ABCC1: variants seen among roughly 807,000 people sequenced by gnomAD.
The protein encoded by ABCC1 is multidrug resistance-associated protein 1.
A neutral mutation model predicts 172.9 loss-of-function variants in ABCC1; 83 were observed. That is an observed-to-expected ratio of 0.48 (90% CI 0.40 to 0.58). The LOEUF is 0.58. ABCC1 is among the 20% of genes least tolerant of loss of function. ABCC1 has a pLI of 0.00. For synonymous variants in ABCC1, 937 were observed against 825.2 expected (o/e 1.14, Z -2.32); for missense variants, 1,817 against 2,002.7 (o/e 0.91, Z 1.77).
chr16:16,089,495 C>A (rs2051149091), intron 18 of ABCC1, among the ~76,000 whole-genome samples: 1 of 151,696 alleles, frequency 6.6e-6, no homozygotes, highest in Non-Finnish European at 1.5e-5. Context: ...TTGTGGTGAG[C>A]CGAGGTCGCA....
chr16:15,990,218 C>T (rs543427345), intron 1 of ABCC1, among the ~76,000 whole-genome samples: 1 of 152,132 alleles, frequency 6.6e-6, no homozygotes, highest in Non-Finnish European at 1.5e-5. Context: ...CCACACCCAG[C>T]TAATTTTTAG....
intron 1 of ABCC1, among the ~76,000 whole-genome samples, chr16:15,967,140 C>CTGAG (rs1567277602): frequency 6.6e-6 from 1 of 152,136 alleles, no homozygotes; most frequent in African/African-American, 2.4e-5. Context: ...AGGCTCACCT[C>CTGAG]TGAGTCACAC....
intron 26 of ABCC1, among the ~76,000 whole-genome samples, chr16:16,130,394 A>G (rs891410720): frequency 1.3e-5 from 2 of 152,144 alleles, no homozygotes; most frequent in Admixed American, 1.3e-4. Context: ...TTCACCCAAC[A>G]CTGAAACATA....
At chr16:15,950,397 G>A (rs1489956405) in intron 1 of ABCC1, among the ~76,000 whole-genome samples, 1 of 152,102 alleles carries the variant, frequency 6.6e-6, no homozygotes, top group Admixed American at 6.6e-5. Context: ...CAGGGAAGAA[G>A]GGGGATGTCC....
chr16:15,955,095 C>T (rs1205808788), intron 1 of ABCC1, among the ~76,000 whole-genome samples: 1 of 152,178 alleles, frequency 6.6e-6, no homozygotes, highest in Admixed American at 6.5e-5. Flanking sequence ...GTGGCTCATG[C>T]CTGTAATCCT....
intron 5 of ABCC1, among the ~76,000 whole-genome samples, chr16:16,031,868 T>C (rs1359032432): frequency 6.6e-6 from 1 of 151,752 alleles, no homozygotes. Flanking sequence ...ATGTGATCAT[T>C]TGATGCATGT....
At chr16:16,033,548 C>T (rs2151833313) in intron 6 of ABCC1, among the ~76,000 whole-genome samples, 1 of 152,244 alleles carries the variant, frequency 6.6e-6, no homozygotes, top group Admixed American at 6.5e-5. Context: ...ACTGTCTCAC[C>T]ACAGGAAGTG....
intron 18 of ABCC1, among the ~76,000 whole-genome samples, chr16:16,089,021 C>G (rs1163182659): frequency 6.6e-6 from 1 of 152,162 alleles, no homozygotes. Flanking sequence ...TTCTTTAAAG[C>G]ATCGTCTACA....
chr16:15,994,712 C>G (rs1410245328), intron 1 of ABCC1, among the ~76,000 whole-genome samples: 3 of 152,082 alleles, frequency 2.0e-5, no homozygotes, highest in Non-Finnish European at 4.4e-5. Context: ...CTTCCTCTCC[C>G]TGGTTTCAGG....
chr16:16,044,748 G>T, intron 8 of ABCC1, 68 bp downstream of exon 8: 1 of 1,426,510 alleles, frequency 7.0e-7, no homozygotes, highest in Non-Finnish European at 9.9e-7. Context: ...AGTTGCATCA[G>T]TCATAACCCT....
chr16:16,111,670 C>A, intron 22 of ABCC1, 88 bp downstream of exon 22: 1 of 1,271,754 alleles, frequency 7.9e-7, no homozygotes, highest in Non-Finnish European at 1.1e-6. Flanking sequence ...GAGTCCTCAG[C>A]GTTTTGTGGG....
chr16:16,048,173 C>T lies in ABCC1; in HGVS notation c.1250C>T (p.Ser417Phe). 4 of 1,614,188 alleles carry T rather than the reference C, an allele frequency of 2.5e-6. No homozygotes were observed. The highest frequency in any genetic ancestry group is 3.4e-6 in the Non-Finnish European group (4 of 1,180,020). ...GTGATCACCAATTCAGCCAGAAAAT[C>T]CTCCACGGTCGGGGAGATTGTCAAC... Reference protein sequence around the residue: ...ALVITNSARKSSTVGEIVNLM... With the variant: ...ALVITNSARKFSTVGEIVNLM... Residue 417 changes from serine (S) to phenylalanine (F), a missense_variant, in exon 10 of 31, where the codon TCC becomes TTC. Ser to Phe is a radical substitution (Grantham distance 155). Transcript: ENST00000399410.
chr16:16,137,994 G>C lies in ABCC1; in HGVS notation c.4293-370G>C, dbSNP rs118180996. ...AGCCTCCCAGTAACTGGGACTACAA[G>C]AGCATGCCACCACACCCAGCTAATT... On this transcript the variant is annotated intron_variant, in intron 29 of 30. Coordinates refer to ENST00000399410, the MANE Select transcript of ABCC1 (RefSeq NM_004996.4). 8.7e-3 allele frequency among the ~76,000 whole-genome samples: 1,323 copies of C among 152,074 alleles called. 8 individuals carry two copies. The highest frequency in any genetic ancestry group is 0.034 in the South Asian group (165 of 4,810).
intron 1 of ABCC1, among the ~76,000 whole-genome samples, chr16:15,959,352 G>T (rs2046076742): frequency 3.3e-5 from 5 of 152,034 alleles, no homozygotes; most frequent in Admixed American, 3.3e-4. Context: ...TTGAGACAGG[G>T]TCTCCCTCTG....
chr16:16,110,112 T>C (rs2052322417), intron 21 of ABCC1, among the ~76,000 whole-genome samples: 1 of 149,926 alleles, frequency 6.7e-6, no homozygotes, highest in Non-Finnish European at 1.5e-5. Flanking sequence ...CCTTTTTTTT[T>C]TTTTCCCCCT....
chr16:16,108,215 T>A (rs1483792491), intron 21 of ABCC1, among the ~76,000 whole-genome samples: 1 of 151,770 alleles, frequency 6.6e-6, no homozygotes, highest in Non-Finnish European at 1.5e-5. Flanking sequence ...GGCTTGTTAC[T>A]TGTCAAAGTT....
intron 1 of ABCC1, among the ~76,000 whole-genome samples, chr16:16,007,214 T>TTGTGTGTGTG (rs71388788): frequency 0.013 from 1,932 of 145,848 alleles, 43 homozygotes; most frequent in African/African-American, 0.046. Flanking sequence ...GTATGCACTG[T>TTGTGTGTGTG]TGTGTGTGTG....
At chr16:16,018,960 G>T (rs373046074) in intron 5 of ABCC1, among the ~76,000 whole-genome samples, 2 of 152,226 alleles carry the variant, frequency 1.3e-5, no homozygotes, top group East Asian at 1.9e-4. Context: ...CCTGGCTGGT[G>T]CCTGACACAG....
intron 1 of ABCC1, among the ~76,000 whole-genome samples, chr16:15,971,632 C>T (rs891196484): frequency 6.6e-5 from 10 of 152,218 alleles, no homozygotes; most frequent in South Asian, 2.1e-4. Flanking sequence ...TGAAAAGGGG[C>T]GTTGAATGGG....
Sources: allele counts gnomAD v4.1 joint callset (sites outside exome capture counted in the v4.1 genomes callset), GRCh38; gene constraint gnomAD v4.1.1; transcripts MANE v1.5; gene names NCBI Gene and HGNC (gene_info 2026-07-23, HGNC 2026-07-21).